Variants in DAB2IP observed in about 807,000 individuals in gnomAD.
DAB2IP encodes the protein DAB2 interacting protein.
Under a neutral mutation model 107.2 loss-of-function variants are expected in DAB2IP, and 28 were observed. The observed-to-expected ratio is 0.26, with a 90% confidence interval of 0.19 to 0.36. The LOEUF is 0.36. Among genes scored for constraint, DAB2IP ranks in the 10% least tolerant of loss-of-function variants. DAB2IP has a pLI of 1.00. For missense variants in DAB2IP, 1,400 were observed against 1,644.7 expected (o/e 0.85, Z 2.57); for synonymous variants, 755 against 706.4 (o/e 1.07, Z -1.09).
intron 3 of DAB2IP, among the ~76,000 whole-genome samples, chr9:121,719,871 A>T (rs1445475971): frequency 6.6e-6 from 1 of 152,156 alleles, no homozygotes; most frequent in Non-Finnish European, 1.5e-5. Flanking sequence ...CCTGTTTGGG[A>T]TGGGGTGGCA....
intron 2 of DAB2IP, among the ~76,000 whole-genome samples, chr9:121,680,624 G>A (rs1388734910): frequency 1.3e-5 from 2 of 152,150 alleles, no homozygotes; most frequent in African/African-American, 2.4e-5. Flanking sequence ...CCTTCAGGGG[G>A]ACCCTAGGGA....
At chr9:121,774,748 G>A (rs533642500) in intron 13 of DAB2IP, among the ~76,000 whole-genome samples, 6 of 152,274 alleles carry the variant, frequency 3.9e-5, no homozygotes, top group Admixed American at 1.3e-4. Context: ...GGGGGTTGAG[G>A]GCTGAGGGTG....
rs1480963290 is a variant in DAB2IP, at chr9:121,760,982, C to T, written c.1170+543C>T. Among the ~76,000 whole-genome samples the T allele has an allele frequency of 6.6e-6, 1 of 152,236 alleles. No individual in the cohort carries two copies. Among genetic ancestry groups the T allele is most frequent in the Non-Finnish European group, 1.5e-5 (1 of 68,052 alleles). On this transcript the variant is annotated intron_variant, in intron 6 of 15. Coordinates refer to ENST00000408936, the Ensembl canonical transcript of DAB2IP. This position sits in a 1 kb window ranked among gnomAD's most constrained non-coding sequence, Gnocchi z 5.9. ...GTACTATTCGAGGGTTAGCCAGCCC[C>T]ACCCCAGAGCCTCACAGAAGCGGGA... is the stretch of plus-strand genomic sequence containing the variant.
rs1323919912 is a variant in DAB2IP, at chr9:121,776,628, C to T, written c.3314+237C>T. 6.6e-6 allele frequency among the ~76,000 whole-genome samples: 1 copy of T among 152,158 alleles called. No individual in the cohort carries two copies. Among genetic ancestry groups the T allele is most frequent in the African/African-American group, 2.4e-5 (1 of 41,446 alleles). Reference sequence around the variant, plus strand: ...GCTGGGGATGAGGCTGGACCAATGACAGCTGGCTCCCGACGGGCCTGAGCC... The same window carrying T: ...GCTGGGGATGAGGCTGGACCAATGATAGCTGGCTCCCGACGGGCCTGAGCC... On this transcript the variant is annotated intron_variant, in intron 14 of 15. Coordinates refer to ENST00000408936, the Ensembl canonical transcript of DAB2IP. This position sits in a 1 kb window ranked among gnomAD's most constrained non-coding sequence, Gnocchi z 5.4.
At position 121,699,246 on chromosome 9, in the gene DAB2IP, C is replaced by T. The variant is rs1276592262; in HGVS notation, c.229-79C>T. The T allele has an allele frequency of 1.1e-5, 13 of 1,145,614 alleles. No individual in the cohort carries two copies. The East Asian group carries it at 2.3e-4, about 20-fold the overall frequency. The allele number at this position is 1,145,614 out of a possible 1,614,324, so 71.0% of individuals were successfully genotyped here. ...GCCGCGCGGCCGCCCAGCAAGGGTG[C>T]GGGTCCCGCGCGGGTCCCGGCCCGC... On this transcript the variant is annotated intron_variant, in intron 2 of 15. Coordinates refer to ENST00000408936, the Ensembl canonical transcript of DAB2IP. The surrounding 1 kb of genome is among the most constrained non-coding windows in gnomAD (Gnocchi z 6.2).
intron 1 of DAB2IP, among the ~76,000 whole-genome samples, chr9:121,661,833 T>A (rs1833219620): frequency 6.6e-6 from 1 of 152,064 alleles, no homozygotes; most frequent in African/African-American, 2.4e-5. Flanking sequence ...AATTTTAAAA[T>A]TTTTTGTTGT....
chr9:121,780,793 C>T (rs1835561865), intron 14 of DAB2IP, among the ~76,000 whole-genome samples: 1 of 152,206 alleles, frequency 6.6e-6, no homozygotes, highest in Non-Finnish European at 1.5e-5. Flanking sequence ...CTCCTGCCCA[C>T]TGAGCTTCCG....
rs778124959 is a variant in DAB2IP, at chr9:121,651,610, A to G, written c.-166A>G. 14 of 1,002,936 alleles carry G rather than the reference A, an allele frequency of 1.4e-5. No homozygotes were observed. The highest frequency in any genetic ancestry group is 1.7e-5 in the Non-Finnish European group (14 of 831,902). The allele number at this position is 1,002,936 out of a possible 1,614,324, so 62.1% of individuals were successfully genotyped here. On this transcript the variant is annotated 5_prime_UTR_variant, in exon 1 of 16. Transcript: ENST00000408936. This position sits in a 1 kb window ranked among gnomAD's most constrained non-coding sequence, Gnocchi z 5.1. ...GGCTGCTCGGGGAGCGGGAGGGGGC[A>G]GGAGGCGGAGGAGGAGTTTGAGCGA...
intron 4 of DAB2IP, among the ~76,000 whole-genome samples, chr9:121,758,280 TCAGA>T (rs1422806861): frequency 2.6e-5 from 4 of 151,820 alleles, no homozygotes; most frequent in East Asian, 1.9e-4. Flanking sequence ...TGAGTGAGAG[TCAGA>T]CAGAGAGGGA....
At chr9:121,737,658 G>C in intron 3 of DAB2IP, 4 of 985,420 alleles carry the variant, frequency 4.1e-6, no homozygotes, top group Non-Finnish European at 4.8e-6. Flanking sequence ...CCAGAGCCTC[G>C]GGGGTTGCAA....
At chr9:121,660,616 C>T (rs1833159119) in intron 1 of DAB2IP, among the ~76,000 whole-genome samples, 1 of 152,132 alleles carries the variant, frequency 6.6e-6, no homozygotes, top group African/African-American at 2.4e-5. Flanking sequence ...GTGCTGGGCT[C>T]CTGCCACGAT....
intron 3 of DAB2IP, among the ~76,000 whole-genome samples, chr9:121,706,966 A>G (rs561028861): frequency 6.6e-6 from 1 of 152,276 alleles, no homozygotes; most frequent in Non-Finnish European, 1.5e-5. Flanking sequence ...CTGCCTGAGA[A>G]TTGGGGGAGG....
intron 3 of DAB2IP, among the ~76,000 whole-genome samples, chr9:121,715,501 T>G (rs950577301): frequency 3.9e-5 from 6 of 151,950 alleles, no homozygotes; most frequent in Admixed American, 2.0e-4. Context: ...TACAGGCACC[T>G]ACCACCACAC....
At chr9:121,743,456 T>G (rs1832495612) in intron 3 of DAB2IP, among the ~76,000 whole-genome samples, 1 of 151,968 alleles carries the variant, frequency 6.6e-6, no homozygotes, top group Non-Finnish European at 1.5e-5. Context: ...TCCTGTTTCC[T>G]GTATAGGAAA....
At chr9:121,764,428 G>T (rs993597614) in intron 8 of DAB2IP, among the ~76,000 whole-genome samples, 1 of 152,256 alleles carries the variant, frequency 6.6e-6, no homozygotes, top group Non-Finnish European at 1.5e-5. Flanking sequence ...GGGCTGCTTA[G>T]ACAGGCCCCT....
exon 12 of DAB2IP, chr9:121,773,072 C>G: frequency 6.2e-7 from 1 of 1,612,590 alleles, no homozygotes; most frequent in South Asian, 1.1e-5. Flanking sequence ...GCCTTGGCGA[C>G]TCAGGCTCTG....
chr9:121,742,744 C>T, intron 3 of DAB2IP: 1 of 985,686 alleles, frequency 1.0e-6, no homozygotes, highest in Non-Finnish European at 1.2e-6. Flanking sequence ...CCGCATCCTC[C>T]CTCTGACTGC....
rs776553680 is a variant in DAB2IP, at chr9:121,772,789, C to T, written c.2261C>T (p.Ala754Val). 8.1e-6 allele frequency: 13 copies of T among 1,613,014 alleles called. No homozygotes were observed. Among genetic ancestry groups the T allele is most frequent in the Non-Finnish European group, 1.0e-5 (12 of 1,179,812 alleles). Residue 754 changes from alanine to valine, a missense_variant, in exon 12 of 16, where the codon GCC becomes GTC. Ala to Val is a moderately conservative substitution (Grantham distance 64). Around this residue, in one of 3 missense-constraint regions of DAB2IP, gnomAD observed 600 missense variants for 659.1 expected, o/e 0.91. Coordinates refer to ENST00000408936, the Ensembl canonical transcript of DAB2IP. The surrounding 1 kb of genome is among the most constrained non-coding windows in gnomAD (Gnocchi z 4.7). ...CTCTCCATGGTGGACCTCCAGGACG[C>T]CCGCACGCTGGATGGGGAGGCAGGC...
In DAB2IP at chr9:121,642,018, TC is replaced by T. The variant is rs1564128763; in HGVS notation, c.41-36659del. On this transcript the variant is annotated intron_variant, in intron 1 of 16. Coordinates refer to the DAB2IP transcript ENST00000259371. ...CTTTCTCTCTCTCTCTCTCTCTCTC[TC>T]TCTCTCTCTCTCTTTCTTTCTTTCT... Among the ~76,000 whole-genome samples the T allele has an allele frequency of 1.8e-3, 56 of 30,492 alleles. 1 individual carries two copies. The highest frequency in any genetic ancestry group is 8.0e-3 in the African/African-American group (55 of 6,904). 20.0% of individuals were successfully genotyped at this position (30,492 alleles called of 152,430 possible). A position where few individuals can be genotyped will look rare whatever the true frequency, so the allele number is the denominator to read the frequency against.
Sources: allele counts gnomAD v4.1 joint callset (sites outside exome capture counted in the v4.1 genomes callset), GRCh38; gene constraint gnomAD v4.1.1; regional missense constraint gnomAD v4.1.1; non-coding constraint Gnocchi (gnomAD v3.1); transcripts MANE v1.5; gene names NCBI Gene and HGNC (gene_info 2026-07-23, HGNC 2026-07-21).